The following RXRA variants were observed in gnomAD, a reference collection of about 807,000 sequenced individuals.
RXRA encodes retinoid X receptor alpha.
In RXRA, 5 loss-of-function variants were observed where a neutral mutation model predicts 44.5. The ratio of observed to expected loss-of-function variants is 0.11; its 90% CI spans 0.06 to 0.24. The LOEUF is 0.24. Ranked by LOEUF, RXRA falls within the 10% of genes least tolerant of loss-of-function variation. The pLI is 1.00. For missense variants in RXRA, 412 were observed against 646.5 expected (o/e 0.64, Z 3.93); for synonymous variants, 291 against 271.4 (o/e 1.07, Z -0.71).
chr9:134,375,993 C>T (rs1366404232), intron 1 of RXRA, among the ~76,000 whole-genome samples: 1 of 148,938 alleles, frequency 6.7e-6, no homozygotes, highest in East Asian at 2.0e-4. Flanking sequence ...CCGCCAGGCT[C>T]GCAGCCTGCT....
At chr9:134,363,021 C>T (rs557457708) in intron 1 of RXRA, among the ~76,000 whole-genome samples, 1 of 152,354 alleles carries the variant, frequency 6.6e-6, no homozygotes, top group South Asian at 2.1e-4. Context: ...TGGACGGTTG[C>T]AAAACAGGAC....
intron 1 of RXRA, chr9:134,379,415 C>G (rs1030651403): frequency 2.0e-6 from 2 of 987,330 alleles, no homozygotes; most frequent in Non-Finnish European, 2.4e-6. Flanking sequence ...GATGGGGCCT[C>G]CCTTCACTTC....
chr9:134,429,852 G>A (rs1246072564), intron 7 of RXRA, among the ~76,000 whole-genome samples: 4 of 152,130 alleles, frequency 2.6e-5, no homozygotes, highest in African/African-American at 7.2e-5. Context: ...TCTGCCAGGC[G>A]AGGCGGACAG....
At position 134,426,401 on chromosome 9, in the gene RXRA, G is replaced by A; in HGVS notation, c.911-2707G>A. The A allele has an allele frequency of 5.1e-6, 5 of 985,478 alleles. No homozygotes were observed. In the South Asian group the frequency reaches 2.3e-4, roughly 46 times the overall value. 61.0% of individuals were successfully genotyped at this position (985,478 alleles called of 1,614,324 possible). A position where few individuals can be genotyped will look rare whatever the true frequency, so the allele number is the denominator to read the frequency against. Reference sequence around the variant, plus strand: ...CTTACATCCGAGAAGGAGGAGGGCAGCTTACAAAGGTGTGTGGGGCAGGAG... The same window carrying A: ...CTTACATCCGAGAAGGAGGAGGGCAACTTACAAAGGTGTGTGGGGCAGGAG... On this transcript the variant is annotated intron_variant, in intron 6 of 9. Coordinates refer to ENST00000481739, the MANE Select transcript of RXRA (RefSeq NM_002957.6). This position sits in a 1 kb window ranked among gnomAD's most constrained non-coding sequence, Gnocchi z 4.6.
intron 7 of RXRA, 147 bp downstream of exon 7, chr9:134,429,387 TGAG>T: frequency 7.8e-6 from 7 of 898,494 alleles, no homozygotes; most frequent in Non-Finnish European, 9.8e-6. Context: ...GAGAAAAGCA[TGAG>T]GAGGAGGCTC....
intron 1 of RXRA, among the ~76,000 whole-genome samples, chr9:134,386,743 G>A (rs747745614): frequency 6.6e-6 from 1 of 152,074 alleles, no homozygotes; most frequent in African/African-American, 2.4e-5. Context: ...GTGTCCCCCC[G>A]GGTGTCTGGG....
intron 1 of RXRA, among the ~76,000 whole-genome samples, chr9:134,377,379 G>A (rs552446129): frequency 6.6e-6 from 1 of 151,866 alleles, no homozygotes; most frequent in African/African-American, 2.4e-5. Context: ...TGGGAGGCCT[G>A]GAGCATGGGA....
intron 4 of RXRA, among the ~76,000 whole-genome samples, chr9:134,411,773 TGAG>T (rs1215186513): frequency 2.6e-5 from 4 of 152,188 alleles, no homozygotes; most frequent in African/African-American, 9.7e-5. Flanking sequence ...GCGTGGGCGG[TGAG>T]GAGGCAGTGA....
chr9:134,345,256 C>T (rs562944329), intron 1 of RXRA, among the ~76,000 whole-genome samples: 14 of 152,314 alleles, frequency 9.2e-5, no homozygotes, highest in East Asian at 1.9e-4. Context: ...GCACAGCCCA[C>T]GGCTGTGCTG....
intron 6 of RXRA, chr9:134,422,276 G>A: frequency 7.8e-7 from 1 of 1,284,918 alleles, no homozygotes; most frequent in South Asian, 1.2e-5. Flanking sequence ...CCCGCTCCCA[G>A]GACACACTCC....
rs555439994 is a variant in RXRA, at chr9:134,374,780, T to A, written c.29-26852T>A. 9.2e-5 allele frequency among the ~76,000 whole-genome samples: 14 copies of A among 152,312 alleles called. No individual in the cohort carries two copies. The South Asian group carries it at 2.5e-3, about 27-fold the overall frequency. On this transcript the variant is annotated intron_variant, in intron 1 of 9. Transcript: ENST00000481739. The stretch of plus-strand genomic sequence containing the variant: ...GCTCAGCGAGATTGTCTAACCTATT[T>A]GGGGAAGCACAGCTTGGCAGTGCCT...
At position 134,365,036 on chromosome 9, in the gene RXRA, G is replaced by C. The variant is rs977938388; in HGVS notation, c.29-36596G>C. ...TGTGCCCTGTCCCGGTTGCCCAGCT[G>C]GGGGATGGGGCAGGCCCACAGCTTC... On this transcript the variant is annotated intron_variant, in intron 1 of 9. Transcript: ENST00000481739. This position sits in a 1 kb window ranked among gnomAD's most constrained non-coding sequence, Gnocchi z 4.0. Among the ~76,000 whole-genome samples the C allele has an allele frequency of 2.0e-5, 3 of 152,250 alleles. No individual in the cohort carries two copies. The highest frequency in any genetic ancestry group is 7.2e-5 in the African/African-American group (3 of 41,460).
At chr9:134,425,815 G>T (rs1179631549) in intron 6 of RXRA, 1 of 985,360 alleles carries the variant, frequency 1.0e-6, no homozygotes, top group Non-Finnish European at 1.2e-6. Context: ...CGTGACTCTG[G>T]GGGGGCCCTG....
intron 1 of RXRA, among the ~76,000 whole-genome samples, chr9:134,329,286 A>G (rs1428002470): frequency 6.6e-6 from 1 of 152,208 alleles, no homozygotes; most frequent in Non-Finnish European, 1.5e-5. Flanking sequence ...CCGAAATAAC[A>G]GGGTCATGTG....
intron 1 of RXRA, among the ~76,000 whole-genome samples, chr9:134,333,218 G>A (rs1290130348): frequency 1.3e-5 from 2 of 152,180 alleles, no homozygotes; most frequent in African/African-American, 4.8e-5. Flanking sequence ...AAGTTGCCAC[G>A]GGGTCTGTCC....
intron 6 of RXRA, chr9:134,424,238 C>T (rs1831396871): frequency 3.0e-6 from 3 of 985,312 alleles, no homozygotes; most frequent in Non-Finnish European, 3.6e-6. Flanking sequence ...CAAGGCCCTT[C>T]CCTTAGCCCA....
chr9:134,416,855 C>T (rs1319807805), intron 4 of RXRA, among the ~76,000 whole-genome samples: 1 of 152,208 alleles, frequency 6.6e-6, no homozygotes, highest in Non-Finnish European at 1.5e-5. Flanking sequence ...GTCCATAGAC[C>T]GTCAGGACCT....
rs1393595460 is a variant in RXRA, at chr9:134,439,920, A to G, written c.*3306A>G. 6.6e-6 allele frequency: 1 copy of G among 152,438 alleles called. No homozygotes were observed. The highest frequency in any genetic ancestry group is 1.9e-4 in the East Asian group (1 of 5,196). The allele number at this position is 152,438 out of a possible 1,614,324, so 9.4% of individuals were successfully genotyped here. On this transcript the variant is annotated 3_prime_UTR_variant, in exon 10 of 10. Transcript: ENST00000481739. ...TGGTGAAATCCGGGTTCGAATGAAT[A>G]TCTCAAGGCAGGAGATGCATCTATT... is the stretch of plus-strand genomic sequence containing the variant.
intron 6 of RXRA, chr9:134,423,889 C>T: frequency 1.0e-6 from 1 of 985,442 alleles, no homozygotes; most frequent in Middle Eastern, 5.2e-4. Context: ...CACCCCAACC[C>T]ACCAGACCGA....
Sources: gnomAD v4.1 joint callset for allele counts (sites outside exome capture counted in the v4.1 genomes callset) on GRCh38, gnomAD v4.1.1 for gene constraint, Gnocchi (gnomAD v3.1) non-coding constraint, MANE v1.5 for transcripts, NCBI Gene and HGNC (gene_info 2026-07-23, HGNC 2026-07-21) for gene names.